STX8: variants seen among roughly 807,000 people sequenced by gnomAD.
The protein encoded by STX8 is syntaxin-8.
In STX8, 23 loss-of-function variants were observed where a neutral mutation model predicts 37.5. That is an observed-to-expected ratio of 0.61 (90% CI 0.44 to 0.87). The LOEUF is 0.87. Ranked by LOEUF, STX8 falls within the 40% of genes least tolerant of loss-of-function variation. The pLI, the probability that STX8 is intolerant of heterozygous loss-of-function variation, is 0.00. For synonymous variants in STX8, 115 were observed against 99.1 expected (o/e 1.16, Z -0.95); for missense variants, 313 against 284.7 (o/e 1.10, Z -0.71).
At chr17:9,371,633 T>C (rs1234020894) in intron 7 of STX8, among the ~76,000 whole-genome samples, 2 of 132,170 alleles carry the variant, frequency 1.5e-5, no homozygotes, top group Non-Finnish European at 3.1e-5. Context: ...AAATGGATTA[T>C]GCTTTTTTTT....
At chr17:9,397,930 G>A (rs1458683128) in intron 6 of STX8, among the ~76,000 whole-genome samples, 1 of 148,440 alleles carries the variant, frequency 6.7e-6, no homozygotes, top group Non-Finnish European at 1.5e-5. Flanking sequence ...AGAGGTTGCC[G>A]TGAGCCGAGA....
chr17:9,509,084 T>C (rs1342053586), intron 4 of STX8, among the ~76,000 whole-genome samples: 9 of 152,048 alleles, frequency 5.9e-5, no homozygotes, highest in African/African-American at 9.7e-5. Context: ...CTGTCTCTAC[T>C]AAAAATACAA....
chr17:9,351,959 G>C (rs1910720073), intron 7 of STX8, among the ~76,000 whole-genome samples: 1 of 151,894 alleles, frequency 6.6e-6, no homozygotes, highest in Admixed American at 6.6e-5. Flanking sequence ...GACCAGCCTG[G>C]GCAACATGGT....
intron 5 of STX8, among the ~76,000 whole-genome samples, chr17:9,493,888 G>A (rs181217600): frequency 3.9e-5 from 6 of 152,218 alleles, no homozygotes; most frequent in African/African-American, 9.6e-5. Context: ...CAAACACAGA[G>A]ATGTTTATAA....
chr17:9,409,992 G>GT (rs1481058888), intron 6 of STX8, among the ~76,000 whole-genome samples: 1 of 151,386 alleles, frequency 6.6e-6, no homozygotes, highest in Non-Finnish European at 1.5e-5. Context: ...CCTATGAATC[G>GT]TAAGTACGAA....
At chr17:9,376,077 G>A (rs1351928964) in intron 7 of STX8, among the ~76,000 whole-genome samples, 2 of 152,166 alleles carry the variant, frequency 1.3e-5, no homozygotes, top group African/African-American at 2.4e-5. Context: ...GGAAACTGAG[G>A]CCCAGATTAA....
In STX8 at chr17:9,427,495, A is replaced by T. The variant is rs551245150; in HGVS notation, c.542-48842T>A. On this transcript the variant is annotated intron_variant, in intron 6 of 7. Coordinates refer to ENST00000306357, the MANE Select transcript of STX8 (RefSeq NM_004853.3). The stretch of plus-strand genomic sequence containing the variant: ...TCCTACAAAATCACACTTGAAAAAT[A>T]ACGGGATGAAAAAGGCTGTTGGGGT... Among the ~76,000 whole-genome samples, 50 of 152,300 alleles carry T rather than the reference A, an allele frequency of 3.3e-4. No homozygotes were observed. The South Asian group carries it at 7.7e-3, about 23-fold the overall frequency.
intron 7 of STX8, among the ~76,000 whole-genome samples, chr17:9,342,075 G>A (rs997704867): frequency 6.6e-6 from 1 of 152,004 alleles, no homozygotes; most frequent in African/African-American, 2.4e-5. Context: ...GATGGTTTTC[G>A]GGATGAAACT....
rs116383999 is a variant in STX8 at position 9,374,030 on chromosome 17, C to T, written c.643+4522G>A. On this transcript the variant is annotated intron_variant, in intron 7 of 7. Coordinates refer to ENST00000306357, the MANE Select transcript of STX8 (RefSeq NM_004853.3). ...TTTTTTTTAATGCCACTGAACTGTA[C>T]ATTTAAATGTAGTTAAGATGGTAAA... 7.5e-3 allele frequency among the ~76,000 whole-genome samples: 1,119 copies of T among 149,854 alleles called. 19 individuals carry two copies. The highest frequency in any genetic ancestry group is 0.026 in the African/African-American group (1,059 of 40,778).
intron 6 of STX8, among the ~76,000 whole-genome samples, chr17:9,434,438 G>C (rs952310074): frequency 4.6e-5 from 7 of 152,208 alleles, no homozygotes; most frequent in African/African-American, 1.2e-4. Flanking sequence ...AGACAGAGTG[G>C]AACACTAAAG....
chr17:9,375,046 A>G (rs1911534659), intron 7 of STX8, among the ~76,000 whole-genome samples: 2 of 144,302 alleles, frequency 1.4e-5, no homozygotes, highest in African/African-American at 5.2e-5. Context: ...CCAGGGTGAC[A>G]GAGTGAGACT....
At chr17:9,419,712 G>A (rs1301401686) in intron 6 of STX8, among the ~76,000 whole-genome samples, 1 of 152,164 alleles carries the variant, frequency 6.6e-6, no homozygotes. Context: ...AACCTCCACT[G>A]AGAAGACTGT....
At chr17:9,255,309 CT>C (rs56358906) in intron 7 of STX8, among the ~76,000 whole-genome samples, 75,882 of 151,330 alleles carry the variant, frequency 0.5, 19,681 homozygotes, top group Non-Finnish European at 0.59. Flanking sequence ...GGCGGATCAT[CT>C]GAGGTCAGGA....
At chr17:9,419,630 A>G (rs1913350413) in intron 6 of STX8, among the ~76,000 whole-genome samples, 1 of 152,192 alleles carries the variant, frequency 6.6e-6, no homozygotes, top group South Asian at 2.1e-4. Context: ...TGCATGGTGA[A>G]AACCTTTCTG....
intron 4 of STX8, among the ~76,000 whole-genome samples, chr17:9,535,638 T>C (rs1906012994): frequency 6.6e-6 from 1 of 151,912 alleles, no homozygotes; most frequent in Admixed American, 6.6e-5. Flanking sequence ...TTCACCGTGT[T>C]AGCCAGGATG....
chr17:9,424,468 C>T (rs1354211358), intron 6 of STX8, among the ~76,000 whole-genome samples: 2 of 152,050 alleles, frequency 1.3e-5, no homozygotes, highest in East Asian at 3.9e-4. Flanking sequence ...CCTCCAGGCC[C>T]TCTCTCTGCC....
chr17:9,371,614 A>G (rs570404514), intron 7 of STX8, among the ~76,000 whole-genome samples: 29 of 150,022 alleles, frequency 1.9e-4, no homozygotes, highest in African/African-American at 7.2e-4. Context: ...CAAGATGCTA[A>G]CATTTATCAA....
At chr17:9,359,345 T>C (rs1172718584) in intron 7 of STX8, among the ~76,000 whole-genome samples, 1 of 152,110 alleles carries the variant, frequency 6.6e-6, no homozygotes, top group Non-Finnish European at 1.5e-5. Flanking sequence ...TTACTCTCTG[T>C]GGAAGTTATC....
At chr17:9,386,567 G>A (rs1912021331) in intron 6 of STX8, among the ~76,000 whole-genome samples, 1 of 152,084 alleles carries the variant, frequency 6.6e-6, no homozygotes, top group African/African-American at 2.4e-5. Flanking sequence ...GAGGGAGGGA[G>A]CTGGCAGGCG....
Sources: allele counts gnomAD v4.1 joint callset (sites outside exome capture counted in the v4.1 genomes callset), GRCh38; gene constraint gnomAD v4.1.1; transcripts MANE v1.5; gene names NCBI Gene and HGNC (gene_info 2026-07-23, HGNC 2026-07-21).